Variants in SHISA9 observed in about 807,000 individuals in gnomAD.
The protein encoded by SHISA9 is protein shisa-9.
In SHISA9, 13 loss-of-function variants were observed where a neutral mutation model predicts 38.0. The ratio of observed to expected loss-of-function variants is 0.34; its 90% CI spans 0.22 to 0.54. The LOEUF is 0.54. SHISA9 is among the 20% of genes least tolerant of loss of function. The pLI is 0.91. For synonymous variants in SHISA9, 275 were observed against 242.0 expected, an observed-to-expected ratio of 1.14 and a Z score of -1.27; for missense variants, 538 against 575.8, an observed-to-expected ratio of 0.93 and a Z score of 0.67.
chr16:13,130,872 T>C lies in SHISA9; in HGVS notation c.692-72522T>C, dbSNP rs186575730. Among the ~76,000 whole-genome samples, 1,111 of 152,328 alleles carry C rather than the reference T, an allele frequency of 7.3e-3. 12 individuals are homozygous for C. Among genetic ancestry groups the C allele is most frequent in the African/African-American group, 0.025 (1,033 of 41,564 alleles). On this transcript the variant is annotated intron_variant, in intron 2 of 4. Transcript: ENST00000558583. Reference sequence around the variant, plus strand: ...CTGCATGAATGTCTTCTTTTGAACATCACTGATCATTAGAGAAATGCAAAT... The same window carrying C: ...CTGCATGAATGTCTTCTTTTGAACACCACTGATCATTAGAGAAATGCAAAT...
At chr16:13,207,686 C>T (rs2051079052) in intron 3 of SHISA9, among the ~76,000 whole-genome samples, 1 of 152,128 alleles carries the variant, frequency 6.6e-6, no homozygotes, top group Admixed American at 6.5e-5. Flanking sequence ...GAGGAGCAGA[C>T]TGAGGGATTG....
chr16:13,151,698 A>G (rs1418664877), intron 2 of SHISA9, among the ~76,000 whole-genome samples: 1 of 152,210 alleles, frequency 6.6e-6, no homozygotes, highest in African/African-American at 2.4e-5. Flanking sequence ...AAATTAGCCA[A>G]ATACACTTCT....
intron 4 of SHISA9, among the ~76,000 whole-genome samples, chr16:13,223,303 G>A (rs1405035876): frequency 6.6e-6 from 1 of 152,070 alleles, no homozygotes; most frequent in East Asian, 1.9e-4. Flanking sequence ...GGTGTTGCAT[G>A]GCTATAGTCC....
the SHISA9 span, among the ~76,000 whole-genome samples, chr16:13,316,340 T>C: frequency 6.6e-6 from 1 of 152,094 alleles, no homozygotes; most frequent in African/African-American, 2.4e-5. Context: ...GTCTAGGGGA[T>C]TCTGTGTGTA....
chr16:13,537,113 T>C, the SHISA9 span, among the ~76,000 whole-genome samples: 39,130 of 152,004 alleles, frequency 0.26, 5,507 homozygotes, highest in East Asian at 0.35. Flanking sequence ...ATGTTTAACA[T>C]AGTATAATTT....
chr16:12,946,284 A>C (rs1312091388), intron 2 of SHISA9, among the ~76,000 whole-genome samples: 1 of 152,200 alleles, frequency 6.6e-6, no homozygotes, highest in African/African-American at 2.4e-5. Flanking sequence ...TGATGCCTCC[A>C]GCTTTGTTCT....
At chr16:12,950,188 A>G (rs2071736688) in intron 2 of SHISA9, among the ~76,000 whole-genome samples, 1 of 152,184 alleles carries the variant, frequency 6.6e-6, no homozygotes, top group Non-Finnish European at 1.5e-5. Context: ...TGTTGCTGCA[A>G]ATGACAGGAT....
intron 2 of SHISA9, among the ~76,000 whole-genome samples, chr16:13,014,902 G>C (rs892340820): frequency 2.0e-5 from 3 of 152,160 alleles, no homozygotes; most frequent in African/African-American, 4.8e-5. Flanking sequence ...TAGTTATTTG[G>C]CATGTTCGGA....
intron 2 of SHISA9, among the ~76,000 whole-genome samples, chr16:12,970,324 T>C (rs1417159421): frequency 6.7e-5 from 5 of 75,052 alleles, no homozygotes; most frequent in Non-Finnish European, 1.0e-4. Context: ...GGGGTATATA[T>C]ACATATATAT....
chr16:13,215,529 C>T (rs2051159553), intron 4 of SHISA9, among the ~76,000 whole-genome samples: 1 of 151,974 alleles, frequency 6.6e-6, no homozygotes, highest in Non-Finnish European at 1.5e-5. Flanking sequence ...TTTTTTCCCT[C>T]CCTGTGAAAA....
chr16:13,301,804 AT>A, the SHISA9 span, among the ~76,000 whole-genome samples: 4 of 152,210 alleles, frequency 2.6e-5, no homozygotes, highest in African/African-American at 9.7e-5. Flanking sequence ...TGAAGCCAAG[AT>A]TTGGGCTCAA....
intron 2 of SHISA9, among the ~76,000 whole-genome samples, chr16:13,080,581 C>G (rs2073637363): frequency 6.6e-6 from 1 of 152,074 alleles, no homozygotes; most frequent in African/African-American, 2.4e-5. Context: ...GAGCAAATTT[C>G]CTAAAAGAAG....
chr16:13,208,394 C>T (rs1261888554), intron 3 of SHISA9, among the ~76,000 whole-genome samples: 1 of 150,676 alleles, frequency 6.6e-6, no homozygotes, highest in Admixed American at 6.6e-5. Flanking sequence ...TGGGATCACC[C>T]TCACTCATGT....
intron 2 of SHISA9, among the ~76,000 whole-genome samples, chr16:12,993,657 TG>T (rs2072419019): frequency 6.6e-6 from 1 of 152,176 alleles, no homozygotes; most frequent in African/African-American, 2.4e-5. Context: ...GAGTTTACCC[TG>T]TAGCAGGAGG....
the SHISA9 span, among the ~76,000 whole-genome samples, chr16:13,480,075 A>G: frequency 5.9e-5 from 9 of 152,330 alleles, no homozygotes; most frequent in East Asian, 1.4e-3. Context: ...ACTAACAGCA[A>G]AGACTAGACC....
At chr16:13,019,940 TTTCTTTC>T (rs2072825369) in intron 2 of SHISA9, among the ~76,000 whole-genome samples, 2 of 78,068 alleles carry the variant, frequency 2.6e-5, no homozygotes, top group South Asian at 4.1e-4. Flanking sequence ...TCTTTCTTTC[TTTCTTTC>T]TTTCTTTCTT....
the SHISA9 span, among the ~76,000 whole-genome samples, chr16:13,275,918 A>T: frequency 1.6e-4 from 25 of 151,626 alleles, no homozygotes; most frequent in South Asian, 4.2e-4. Context: ...TTTTATTTTT[A>T]AAAAAAATTA....
intron 4 of SHISA9, among the ~76,000 whole-genome samples, chr16:13,225,342 G>T (rs1265647749): frequency 1.3e-5 from 2 of 152,176 alleles, no homozygotes; most frequent in African/African-American, 2.4e-5. Flanking sequence ...GTGGTACTTT[G>T]TGATGGCAGC....
intron 4 of SHISA9, among the ~76,000 whole-genome samples, chr16:13,231,843 C>T (rs1211650237): frequency 6.6e-6 from 1 of 152,212 alleles, no homozygotes; most frequent in African/African-American, 2.4e-5. Flanking sequence ...CCGTCTGTGG[C>T]CTTTCAAATA....
Sources: gnomAD v4.1 joint callset for allele counts (sites outside exome capture counted in the v4.1 genomes callset) on GRCh38, gnomAD v4.1.1 for gene constraint, MANE v1.5 for transcripts, NCBI Gene and HGNC (gene_info 2026-07-23, HGNC 2026-07-21) for gene names.